Variants in ABCC9 observed in about 807,000 individuals in gnomAD.
ABCC9 encodes the protein ATP-binding cassette sub-family C member 9.
Under a neutral mutation model 188.3 loss-of-function variants are expected in ABCC9, and 95 were observed. The ratio of observed to expected loss-of-function variants is 0.50; its 90% CI spans 0.43 to 0.60. The LOEUF (loss-of-function observed/expected upper bound fraction) is 0.60, where lower values mean the gene tolerates loss of function less well. Among genes scored for constraint, ABCC9 ranks in the 20% least tolerant of loss-of-function variants. ABCC9 has a pLI of 0.00. For missense variants in ABCC9, 1,102 were observed against 1,876.3 expected (o/e 0.59, Z 7.62); for synonymous variants, 659 against 652.7 (o/e 1.01, Z -0.15).
At position 21,809,882 on chromosome 12, in the gene ABCC9, T is replaced by A. The variant is rs1178982626; in HGVS notation, c.4285A>T (p.Asn1429Tyr). 6 of 1,611,598 alleles carry A rather than the reference T, an allele frequency of 3.7e-6. No homozygotes were observed. Among genetic ancestry groups the A allele is most frequent in the Non-Finnish European group, 3.4e-6 (4 of 1,178,504 alleles). ...CCTCCAGGTAGAGATTTGACCATATTCTTCAGCTGAGCAATTTCTAAGGCT... is the reference window on the plus strand; with the variant it reads ...CCTCCAGGTAGAGATTTGACCATATACTTCAGCTGAGCAATTTCTAAGGCT... ...WEALEIAQLK[N>Y]MVKSLPGGLD... The change falls in exon 37 of 40, where the codon AAT (asparagine) becomes TAT (tyrosine). Residue 1429 changes from asparagine to tyrosine, a missense_variant. Physicochemically the swap from Asn to Tyr is moderately radical, Grantham distance 143. Coordinates refer to ENST00000261200, the MANE Select transcript of ABCC9 (RefSeq NM_020297.4).
At chr12:21,813,642 A>G (rs995696240) in intron 35 of ABCC9, among the ~76,000 whole-genome samples, 2 of 152,170 alleles carry the variant, frequency 1.3e-5, no homozygotes, top group Non-Finnish European at 2.9e-5. Context: ...TAATTGCCTT[A>G]TAACTTTAAT....
chr12:21,912,839 A>C, intron 8 of ABCC9, 33 bp downstream of exon 8: 1 of 1,594,268 alleles, frequency 6.3e-7, no homozygotes, highest in African/African-American at 1.3e-5. Flanking sequence ...TCCATCAATA[A>C]TATGTTTCCA....
intron 12 of ABCC9, among the ~76,000 whole-genome samples, chr12:21,896,661 G>T (rs1947447375): frequency 6.6e-6 from 1 of 152,090 alleles, no homozygotes; most frequent in Non-Finnish European, 1.5e-5. Flanking sequence ...AGAACATGTG[G>T]TGTTTGGTTT....
intron 12 of ABCC9, among the ~76,000 whole-genome samples, chr12:21,901,768 T>C (rs981124552): frequency 7.9e-5 from 12 of 152,132 alleles, no homozygotes; most frequent in Admixed American, 6.5e-4. Context: ...CCTAAATATA[T>C]ATGCATCCAA....
chr12:21,831,239 A>G (rs1346149330), intron 30 of ABCC9: 1 of 152,110 alleles, frequency 6.6e-6, no homozygotes, highest in African/African-American at 2.4e-5. Context: ...TTTAGTAGAG[A>G]TGGGGTTTCA....
Position 21,852,442 on chromosome 12 carries a change from T to G in ABCC9, c.2569A>C (p.Lys857Gln). 1 of 1,613,810 alleles carries G rather than the reference T, an allele frequency of 6.2e-7. No homozygotes were observed. Among genetic ancestry groups the G allele is most frequent in the South Asian group, 1.1e-5 (1 of 91,086 alleles). The change falls in exon 23 of 40, where the codon AAA becomes CAA. Residue 857 changes from lysine (K) to glutamine (Q), a missense_variant. Physicochemically the swap from Lys to Gln is moderately conservative, Grantham distance 53. Coordinates refer to ENST00000261200, the MANE Select transcript of ABCC9 (RefSeq NM_020297.4). ...SDHLMQEGIL[K>Q]FLQDDKRTLV... is the part of the protein sequence containing the mutation. ...GTCCTTTTGTCATCTTGCAGGAATT[T>G]CAAAATCCCCTCCTGCATTAAATGA...
chr12:21,880,894 C>T (rs1946586379), intron 16 of ABCC9, among the ~76,000 whole-genome samples: 1 of 151,840 alleles, frequency 6.6e-6, no homozygotes, highest in Non-Finnish European at 1.5e-5. Flanking sequence ...ACCCAACAGA[C>T]CATCAAAAGT....
rs1941937048 is a variant in ABCC9, at chr12:21,807,489, A to G, written c.4316-10T>C. ...TCAGTGACAACCGCATCTAAATCAGAGAAAGAAGCAAGGATTTCACTAAAG... is the reference window on the plus strand; with the variant it reads ...TCAGTGACAACCGCATCTAAATCAGGGAAAGAAGCAAGGATTTCACTAAAG... On this transcript the variant is annotated splice_polypyrimidine_tract_variant and intron_variant, in intron 37 of 39. Transcript: ENST00000261200. The G allele has an allele frequency of 2.5e-6, 4 of 1,613,590 alleles. No individual in the cohort carries two copies. Among genetic ancestry groups the G allele is most frequent in the Non-Finnish European group, 2.5e-6 (3 of 1,179,688 alleles).
chr12:21,902,359 C>T (rs1039932635), intron 12 of ABCC9, among the ~76,000 whole-genome samples: 33 of 151,928 alleles, frequency 2.2e-4, no homozygotes, highest in East Asian at 3.9e-4. Context: ...AGATCTAAAA[C>T]GGACACCCTA....
chr12:21,809,764 G>C, intron 37 of ABCC9, 88 bp downstream of exon 37: 1 of 793,432 alleles, frequency 1.3e-6, no homozygotes, highest in Admixed American at 2.0e-5. Flanking sequence ...TAACACTAAA[G>C]TTATGTGATT....
intron 12 of ABCC9, among the ~76,000 whole-genome samples, chr12:21,901,878 A>G (rs1947771478): frequency 6.6e-6 from 1 of 152,204 alleles, no homozygotes; most frequent in East Asian, 1.9e-4. Flanking sequence ...CCCCACTGTC[A>G]ACATTAGACA....
chr12:21,922,844 G>A (rs1948884675), intron 5 of ABCC9: 1 of 149,554 alleles, frequency 6.7e-6, no homozygotes, highest in African/African-American at 2.5e-5. Flanking sequence ...AACTTCGGAG[G>A]AAAACAAAGA....
At chr12:21,868,736 T>C (rs927554676) in intron 18 of ABCC9, among the ~76,000 whole-genome samples, 5 of 152,200 alleles carry the variant, frequency 3.3e-5, no homozygotes, top group African/African-American at 1.2e-4. Flanking sequence ...ATTTAGTTTA[T>C]TGTTTTGGTT....
chr12:21,933,635 C>G, intron 4 of ABCC9, 147 bp downstream of exon 4: 1 of 822,228 alleles, frequency 1.2e-6, no homozygotes, highest in Non-Finnish European at 1.9e-6. Context: ...TTCAAAAAGA[C>G]ATAAGAACTT....
At chr12:21,886,196 T>TGTGCAAA (rs1366453335) in intron 15 of ABCC9, among the ~76,000 whole-genome samples, 2 of 152,132 alleles carry the variant, frequency 1.3e-5, no homozygotes, top group African/African-American at 4.8e-5. Context: ...CTCCAATGCT[T>TGTGCAAA]ATGTCTCTTC....
At chr12:21,833,752 C>T (rs1943907892) in intron 30 of ABCC9, among the ~76,000 whole-genome samples, 1 of 152,190 alleles carries the variant, frequency 6.6e-6, no homozygotes, top group East Asian at 1.9e-4. Flanking sequence ...AGCTATGTAC[C>T]AAATACTCTT....
intron 5 of ABCC9, chr12:21,924,730 AATTTCACATATTTTTTTGCAGCTACTTG>A (rs1437191058): frequency 6.6e-6 from 1 of 151,958 alleles, no homozygotes; most frequent in Non-Finnish European, 1.5e-5. Context: ...TTAAATTCTC[AATTTCACATATTTTTTTGCAGCTACTTG>A]TTGGAAATTT....
chr12:21,929,417 CA>C (rs1450290202), intron 4 of ABCC9, among the ~76,000 whole-genome samples: 5 of 151,666 alleles, frequency 3.3e-5, no homozygotes, highest in African/African-American at 9.7e-5. Flanking sequence ...AAAACTAATG[CA>C]GAACAAAGGA....
At chr12:21,877,190 A>G (rs193260448) in intron 16 of ABCC9, among the ~76,000 whole-genome samples, 105 of 152,276 alleles carry the variant, frequency 6.9e-4, no homozygotes, top group African/African-American at 2.5e-3. Context: ...GAGTAAGTAA[A>G]CCATGGAAAG....
Sources: gnomAD v4.1 joint callset for allele counts (sites outside exome capture counted in the v4.1 genomes callset) on GRCh38, gnomAD v4.1.1 for gene constraint, MANE v1.5 for transcripts, NCBI Gene and HGNC (gene_info 2026-07-23, HGNC 2026-07-21) for gene names.